Variants in AGAP1 observed in about 807,000 individuals in gnomAD.
The protein encoded by AGAP1 is arf-GAP with GTPase, ANK repeat and PH domain-containing protein 1.
A neutral mutation model predicts 105.3 loss-of-function variants in AGAP1; 29 were observed. The ratio of observed to expected loss-of-function variants is 0.28; its 90% CI spans 0.21 to 0.38. The LOEUF (loss-of-function observed/expected upper bound fraction) is 0.38. Ranked by LOEUF, AGAP1 falls within the 10% of genes least tolerant of loss-of-function variation. AGAP1 has a pLI of 1.00. For missense variants in AGAP1, 998 were observed against 1,165.1 expected (o/e 0.86, Z 2.09); for synonymous variants, 509 against 485.9 (o/e 1.05, Z -0.63).
rs773620266 is a variant in AGAP1 at position 236,003,716 on chromosome 2, C to T, written c.1646-32845C>T. Among the ~76,000 whole-genome samples the T allele has an allele frequency of 6.6e-6, 1 of 152,108 alleles. No individual in the cohort carries two copies. Among genetic ancestry groups the T allele is most frequent in the Non-Finnish European group, 1.5e-5 (1 of 68,020 alleles). Reference sequence around the variant, plus strand: ...CACTTCCACCCTGATCAAATTCAGTCATTAACCCCACTGAAACCTGACAAG... The same window carrying T: ...CACTTCCACCCTGATCAAATTCAGTTATTAACCCCACTGAAACCTGACAAG... On this transcript the variant is annotated intron_variant, in intron 13 of 17. Transcript: ENST00000304032. This position sits in a 1 kb window ranked among gnomAD's most constrained non-coding sequence, Gnocchi z 4.2.
rs774578430 is a variant in AGAP1, at chr2:235,931,513, C to T, written c.1483+590C>T. ...GCATGCACGTTGGAAACGATCTCGC[C>T]GTCTGTGTGGAGCGTGAATGACGCA... On this transcript the variant is annotated intron_variant, in intron 12 of 17. Coordinates refer to ENST00000304032, the MANE Select transcript of AGAP1 (RefSeq NM_001037131.3). This position sits in a 1 kb window ranked among gnomAD's most constrained non-coding sequence, Gnocchi z 5.6. Among the ~76,000 whole-genome samples, 1 of 151,872 alleles carries T rather than the reference C, an allele frequency of 6.6e-6. No individual in the cohort carries two copies. Among genetic ancestry groups the T allele is most frequent in the Admixed American group, 6.6e-5 (1 of 15,244 alleles).
rs116504790 is a variant in AGAP1 at position 235,927,458 on chromosome 2, G to A, written c.1325-3307G>A. 6.6e-6 allele frequency among the ~76,000 whole-genome samples: 1 copy of A among 152,334 alleles called. No individual in the cohort carries two copies. Among genetic ancestry groups the A allele is most frequent in the East Asian group, 1.9e-4 (1 of 5,186 alleles). ...CAGTACATTCACAGCAGCATTCACA[G>A]CAGAGTCCTGTTGTTTCCTAGTGTG... On this transcript the variant is annotated intron_variant, in intron 11 of 17. Coordinates refer to ENST00000304032, the MANE Select transcript of AGAP1 (RefSeq NM_001037131.3). The surrounding 1 kb of genome is among the most constrained non-coding windows in gnomAD (Gnocchi z 4.4).
intron 1 of AGAP1, among the ~76,000 whole-genome samples, chr2:235,508,967 C>T (rs1470840521): frequency 6.6e-6 from 1 of 152,180 alleles, no homozygotes; most frequent in Non-Finnish European, 1.5e-5. Context: ...CCAAACTCCA[C>T]CACTTTAGTC....
chr2:235,998,308 C>A (rs1250903300), intron 13 of AGAP1, among the ~76,000 whole-genome samples: 2 of 152,138 alleles, frequency 1.3e-5, no homozygotes, highest in Non-Finnish European at 2.9e-5. Context: ...TCAGTTACCA[C>A]CTAGTGGAGA....
chr2:235,524,327 C>T lies in AGAP1; in HGVS notation c.163+29478C>T, dbSNP rs76404673. ...TAACTTTTAGTCCTGCCTTCTTATC[C>T]GGTTTGGCAGGAACAGGACAGGGTG... On this transcript the variant is annotated intron_variant, in intron 1 of 17. Coordinates refer to ENST00000304032, the MANE Select transcript of AGAP1 (RefSeq NM_001037131.3). The T allele has an allele frequency of 2.3e-3, 384 of 170,256 alleles. 1 individual carries two copies. The highest frequency in any genetic ancestry group is 8.6e-3 in the African/African-American group (357 of 41,622). 10.5% of individuals were successfully genotyped at this position (170,256 alleles called of 1,614,324 possible).
intron 15 of AGAP1, among the ~76,000 whole-genome samples, chr2:236,041,843 C>T (rs1025043948): frequency 3.9e-5 from 6 of 152,122 alleles, no homozygotes; most frequent in African/African-American, 9.7e-5. Flanking sequence ...CGGGGGCATG[C>T]GGCGGTCTTG....
intron 1 of AGAP1, among the ~76,000 whole-genome samples, chr2:235,562,377 A>T (rs1307606620): frequency 6.6e-6 from 1 of 152,004 alleles, no homozygotes; most frequent in African/African-American, 2.4e-5. Flanking sequence ...GTGGGGAGAG[A>T]TGGTTCCCCG....
chr2:236,081,668 G>GTTT lies in AGAP1; in HGVS notation c.2114+32401_2114+32403dup, dbSNP rs35088277. 2.7e-3 allele frequency among the ~76,000 whole-genome samples: 363 copies of GTTT among 135,180 alleles called. 3 individuals are homozygous for GTTT. Among genetic ancestry groups the GTTT allele is most frequent in the African/African-American group, 8.4e-3 (310 of 36,956 alleles). 88.7% of individuals were successfully genotyped at this position (135,180 alleles called of 152,430 possible). A position where few individuals can be genotyped will look rare whatever the true frequency, so the allele number is the denominator to read the frequency against. On this transcript the variant is annotated intron_variant, in intron 16 of 17. Transcript: ENST00000304032. ...TTCCAGTCTGCTGAAAGTTCTGTGG[G>GTTT]TTTTTTTTTTTTTTTTGCAGGGCAA...
intron 1 of AGAP1, among the ~76,000 whole-genome samples, chr2:235,573,014 T>C (rs1252779911): frequency 2.2e-4 from 4 of 18,084 alleles, no homozygotes; most frequent in South Asian, 3.0e-3. Flanking sequence ...TTCTTCTTCT[T>C]CTTCTTCTTC....
intron 2 of AGAP1, among the ~76,000 whole-genome samples, chr2:235,715,798 G>C (rs1320642792): frequency 1.3e-5 from 2 of 152,260 alleles, no homozygotes; most frequent in Admixed American, 1.3e-4. Context: ...GTGGCAGCAA[G>C]GTGCCCAGGA....
chr2:235,523,104 G>A (rs944156266), intron 1 of AGAP1, among the ~76,000 whole-genome samples: 5 of 152,026 alleles, frequency 3.3e-5, no homozygotes, highest in African/African-American at 9.7e-5. Flanking sequence ...ACACACGGCT[G>A]CCTTCTCGCT....
intron 13 of AGAP1, among the ~76,000 whole-genome samples, chr2:236,011,426 G>C (rs561741800): frequency 6.6e-6 from 1 of 152,186 alleles, no homozygotes; most frequent in Non-Finnish European, 1.5e-5. Context: ...ATTGAGATTC[G>C]CGTATGTGTT....
At chr2:235,658,051 C>T (rs937132906) in intron 1 of AGAP1, among the ~76,000 whole-genome samples, 2 of 152,290 alleles carry the variant, frequency 1.3e-5, no homozygotes, top group Admixed American at 1.3e-4. Flanking sequence ...GTTGTTTAAA[C>T]CACACAGCCC....
intron 12 of AGAP1, among the ~76,000 whole-genome samples, chr2:235,945,872 C>A (rs561306962): frequency 7.1e-6 from 1 of 141,592 alleles, no homozygotes; most frequent in African/African-American, 2.7e-5. Flanking sequence ...GAGGGGGAGC[C>A]GGCACTTCAC....
rs1946140920 is a variant in AGAP1 at position 235,611,986 on chromosome 2, C to G, written c.164-97193C>G. On this transcript the variant is annotated intron_variant, in intron 1 of 17. Coordinates refer to ENST00000304032, the MANE Select transcript of AGAP1 (RefSeq NM_001037131.3). The surrounding 1 kb of genome is among the most constrained non-coding windows in gnomAD (Gnocchi z 5.0). ...TCACAAACCCGGCCCAGCGGCCTCCCTGCTAGGCAGTCCTCCATCAATACT... is the reference window on the plus strand; with the variant it reads ...TCACAAACCCGGCCCAGCGGCCTCCGTGCTAGGCAGTCCTCCATCAATACT... Among the ~76,000 whole-genome samples, 1 of 152,198 alleles carries G rather than the reference C, an allele frequency of 6.6e-6. No individual in the cohort carries two copies. The highest frequency in any genetic ancestry group is 1.5e-5 in the Non-Finnish European group (1 of 68,038).
In AGAP1 at chr2:235,494,771, T is replaced by C. The variant is rs1941235356; in HGVS notation, c.85T>C (p.Ser29Pro). ...CGAGTCGGTCCACCCCAACATCTAC[T>C]CCATCTACGAGCTGCTGGAGCGCGT... is the stretch of plus-strand genomic sequence containing the variant. ...RFESVHPNIY[S>P]IYELLERVEE... is the part of the protein sequence containing the mutation. Residue 29 changes from serine (S) to proline (P), a missense_variant, in exon 1 of 18, where the codon TCC becomes CCC. This residue lies in a region of AGAP1 where 735 missense variants were observed against 833.4 expected (regional missense o/e 0.88). Coordinates refer to ENST00000304032, the MANE Select transcript of AGAP1 (RefSeq NM_001037131.3). The C allele has an allele frequency of 6.3e-7, 1 of 1,581,322 alleles. No individual in the cohort carries two copies. The highest frequency in any genetic ancestry group is 8.6e-7 in the Non-Finnish European group (1 of 1,164,120).
At chr2:235,944,788 A>G (rs2125232252) in intron 12 of AGAP1, among the ~76,000 whole-genome samples, 1 of 152,274 alleles carries the variant, frequency 6.6e-6, no homozygotes, top group South Asian at 2.1e-4. Context: ...AGCGACAGCA[A>G]GACAGGCGGG....
intron 16 of AGAP1, among the ~76,000 whole-genome samples, chr2:236,084,844 C>T (rs529389030): frequency 1.3e-5 from 2 of 151,524 alleles, no homozygotes; most frequent in Non-Finnish European, 2.9e-5. Context: ...GCAGAGGTTG[C>T]GTTGAGCCAA....
intron 16 of AGAP1, among the ~76,000 whole-genome samples, chr2:236,052,029 G>A (rs2057915704): frequency 6.6e-6 from 1 of 151,954 alleles, no homozygotes; most frequent in Non-Finnish European, 1.5e-5. Context: ...AGCCACCCCC[G>A]CTCCCTCTGC....
Sources: gnomAD v4.1 joint callset for allele counts (sites outside exome capture counted in the v4.1 genomes callset) on GRCh38, gnomAD v4.1.1 for gene constraint, gnomAD v4.1.1 regional missense constraint, Gnocchi (gnomAD v3.1) non-coding constraint, MANE v1.5 for transcripts, NCBI Gene and HGNC (gene_info 2026-07-23, HGNC 2026-07-21) for gene names.